The following JAKMIP1 variants were observed in gnomAD, a reference collection of about 807,000 sequenced individuals.
The protein encoded by JAKMIP1 is janus kinase and microtubule-interacting protein 1.
A neutral mutation model predicts 113.0 loss-of-function variants in JAKMIP1; 33 were observed. That is an observed-to-expected ratio of 0.29 (90% CI 0.22 to 0.39). JAKMIP1 has a LOEUF of 0.39. Ranked by LOEUF, JAKMIP1 falls within the 10% of genes least tolerant of loss-of-function variation. The probability of loss-of-function intolerance (pLI) is 1.00; values close to 1 mark genes in which losing one functional copy is unlikely to be tolerated. For synonymous variants in JAKMIP1, 480 were observed against 459.9 expected (o/e 1.04, Z -0.56); for missense variants, 813 against 1,080.5 (o/e 0.75, Z 3.47).
Position 6,194,081 on chromosome 4 carries a change from T to C in JAKMIP1, c.-148+6172A>G, listed in dbSNP as rs1727582032. Among the ~76,000 whole-genome samples, 1 of 151,910 alleles carries C rather than the reference T, an allele frequency of 6.6e-6. No individual in the cohort carries two copies. Among genetic ancestry groups the C allele is most frequent in the African/African-American group, 2.4e-5 (1 of 41,352 alleles). ...GATCTGGTTCTACATCTGTGAAATA[T>C]CCAGAACAGGCAAATCCAAGGAGAC... is the stretch of plus-strand genomic sequence containing the variant. On this transcript the variant is annotated intron_variant, in intron 1 of 20. Transcript: ENST00000409021. This position sits in a 1 kb window ranked among gnomAD's most constrained non-coding sequence, Gnocchi z 7.4.
chr4:6,107,667 G>A (rs976053843), intron 2 of JAKMIP1, among the ~76,000 whole-genome samples: 1 of 152,132 alleles, frequency 6.6e-6, no homozygotes, highest in East Asian at 1.9e-4. Flanking sequence ...CCAGCCTGCT[G>A]GTCTGCCCTA....
At chr4:6,028,940 T>C (rs965059133) in intron 20 of JAKMIP1, among the ~76,000 whole-genome samples, 2 of 152,236 alleles carry the variant, frequency 1.3e-5, no homozygotes, top group African/African-American at 2.4e-5. Context: ...AAGAACTGTC[T>C]TGAATGAAGA....
chr4:6,185,789 C>G lies in JAKMIP1; in HGVS notation c.-148+14464G>C, dbSNP rs1235617114. Among the ~76,000 whole-genome samples the G allele has an allele frequency of 2.0e-5, 3 of 152,226 alleles. No homozygotes were observed. The highest frequency in any genetic ancestry group is 7.2e-5 in the African/African-American group (3 of 41,462). On this transcript the variant is annotated intron_variant, in intron 1 of 20. Transcript: ENST00000409021. The surrounding 1 kb of genome is among the most constrained non-coding windows in gnomAD (Gnocchi z 5.3). Reference sequence around the variant, plus strand: ...TCATTTTGAGAACCACTTCTCAGATCTGTTCACTACAAACCCTCCTGATTA... The same window carrying G: ...TCATTTTGAGAACCACTTCTCAGATGTGTTCACTACAAACCCTCCTGATTA...
At chr4:6,034,593 G>A (rs1401557996) in intron 19 of JAKMIP1, among the ~76,000 whole-genome samples, 1 of 152,176 alleles carries the variant, frequency 6.6e-6, no homozygotes, top group African/African-American at 2.4e-5. Flanking sequence ...CTTGAGGTCA[G>A]GAGTTTGAGA....
rs981187622 is a variant in JAKMIP1, at chr4:6,179,480, C to T, written c.-148+20773G>A. Among the ~76,000 whole-genome samples the T allele has an allele frequency of 4.6e-5, 7 of 152,206 alleles. No individual in the cohort carries two copies. The highest frequency in any genetic ancestry group is 1.7e-4 in the African/African-American group (7 of 41,442). Reference sequence around the variant, plus strand: ...CCACCTCCTTCCTCTACCTTCCTGACACCCCCTACAGGCACCGTCAAGGGA... The same window carrying T: ...CCACCTCCTTCCTCTACCTTCCTGATACCCCCTACAGGCACCGTCAAGGGA... On this transcript the variant is annotated intron_variant, in intron 1 of 20. Coordinates refer to ENST00000409021, the MANE Select transcript of JAKMIP1 (RefSeq NM_001099433.2). This position sits in a 1 kb window ranked among gnomAD's most constrained non-coding sequence, Gnocchi z 4.5.
At chr4:6,104,447 T>G (rs1377915594) in intron 3 of JAKMIP1, among the ~76,000 whole-genome samples, 1 of 152,280 alleles carries the variant, frequency 6.6e-6, no homozygotes, top group African/African-American at 2.4e-5. Flanking sequence ...TTAGTATTAC[T>G]TCTTGCCTTA....
chr4:6,082,314 T>C (rs1720688185), intron 5 of JAKMIP1, among the ~76,000 whole-genome samples: 1 of 151,930 alleles, frequency 6.6e-6, no homozygotes, highest in Non-Finnish European at 1.5e-5. Flanking sequence ...TCTGATGGTA[T>C]AGGTTGAAAT....
chr4:6,118,635 C>A (rs1472871847), intron 1 of JAKMIP1, among the ~76,000 whole-genome samples: 2 of 152,072 alleles, frequency 1.3e-5, no homozygotes, highest in Non-Finnish European at 2.9e-5. Flanking sequence ...CCTTCTTAGG[C>A]CTCCTGCAAA....
intron 1 of JAKMIP1, among the ~76,000 whole-genome samples, chr4:6,149,621 G>T (rs982651779): frequency 2.6e-5 from 4 of 152,196 alleles, no homozygotes; most frequent in South Asian, 2.1e-4. Context: ...AGGGCAAAAA[G>T]TTCCTAATTT....
intron 16 of JAKMIP1, among the ~76,000 whole-genome samples, chr4:6,045,403 C>A (rs2108761270): frequency 1.3e-5 from 2 of 152,322 alleles, no homozygotes; most frequent in Middle Eastern, 6.8e-3. Flanking sequence ...ACGTGGCTAA[C>A]CAGAGTGGGG....
In JAKMIP1 at chr4:6,080,066, A is replaced by G. The variant is rs1336182472; in HGVS notation, c.1242+106T>C. 1.5e-6 allele frequency: 2 copies of G among 1,337,162 alleles called. No homozygotes were observed. The highest frequency in any genetic ancestry group is 2.0e-6 in the Non-Finnish European group (2 of 990,320). The allele number at this position is 1,337,162 out of a possible 1,614,324, so 82.8% of individuals were successfully genotyped here. On this transcript the variant is annotated intron_variant, in intron 7 of 20. Coordinates refer to ENST00000409021, the MANE Select transcript of JAKMIP1 (RefSeq NM_001099433.2). The surrounding 1 kb of genome is among the most constrained non-coding windows in gnomAD (Gnocchi z 6.0). ...CCAAAGTCAGCACTGCCTGACCCTG[A>G]CCCAGCTCAGCAGCATCACCCTGAG...
At chr4:6,161,027 C>CCCAACCTCCA (rs1667301504) in intron 1 of JAKMIP1, among the ~76,000 whole-genome samples, 1 of 150,152 alleles carries the variant, frequency 6.7e-6, no homozygotes, top group Admixed American at 6.6e-5. Context: ...CACTCACCTC[C>CCCAACCTCCA]CTGACCTCCA....
chr4:6,085,261 C>T (rs763960813), intron 4 of JAKMIP1, among the ~76,000 whole-genome samples, 159 bp downstream of exon 4: 12 of 152,126 alleles, frequency 7.9e-5, no homozygotes, highest in Non-Finnish European at 1.2e-4. Context: ...CCTCACACAG[C>T]GTCCAGCACA....
At chr4:6,075,651 C>A (rs1719599382) in intron 8 of JAKMIP1, among the ~76,000 whole-genome samples, 1 of 152,244 alleles carries the variant, frequency 6.6e-6, no homozygotes, top group Non-Finnish European at 1.5e-5. Context: ...CGTTCTTCTG[C>A]AACAATCCAG....
At chr4:6,128,545 A>G (rs569026535) in intron 1 of JAKMIP1, among the ~76,000 whole-genome samples, 31 of 145,958 alleles carry the variant, frequency 2.1e-4, no homozygotes, top group Non-Finnish European at 3.4e-4. Context: ...GCTGGTCTTC[A>G]ATGTGCTTCT....
At chr4:6,148,806 C>A (rs899591281) in intron 1 of JAKMIP1, among the ~76,000 whole-genome samples, 6 of 152,276 alleles carry the variant, frequency 3.9e-5, no homozygotes, top group African/African-American at 1.4e-4. Context: ...ATGACCACAG[C>A]ATCCTCAGGC....
In JAKMIP1 at chr4:6,035,113, TTC is replaced by T. The variant is rs144090101; in HGVS notation, c.2379+789_2379+790del. Among the ~76,000 whole-genome samples the T allele has an allele frequency of 4.6e-5, 7 of 150,972 alleles. No homozygotes were observed. In the East Asian group the frequency reaches 5.8e-4, roughly 13 times the overall value. On this transcript the variant is annotated intron_variant, in intron 19 of 20. Transcript: ENST00000409021. ...AGTTCCTTAAAGTAAGTCAACCTCT[TTC>T]TCTCTCTCTCTCTCTTTCTCTTTCT... is the stretch of plus-strand genomic sequence containing the variant.
chr4:6,138,921 C>G lies in JAKMIP1; in HGVS notation c.-147-25924G>C, dbSNP rs1719661970. Among the ~76,000 whole-genome samples, 1 of 152,196 alleles carries G rather than the reference C, an allele frequency of 6.6e-6. No homozygotes were observed. The highest frequency in any genetic ancestry group is 6.5e-5 in the Admixed American group (1 of 15,286). ...TTGGGCGCTAAGCAACTACTGCTTA[C>G]TGCCTTGATTCCTGGGCTTACTGAA... On this transcript the variant is annotated intron_variant, in intron 1 of 20. Transcript: ENST00000409021. This position sits in a 1 kb window ranked among gnomAD's most constrained non-coding sequence, Gnocchi z 6.0.
intron 7 of JAKMIP1, among the ~76,000 whole-genome samples, chr4:6,079,611 C>G (rs1397557061): frequency 6.6e-6 from 1 of 152,204 alleles, no homozygotes; most frequent in Non-Finnish European, 1.5e-5. Flanking sequence ...AAGTTCCTTT[C>G]ACAGAGAGCT....
Sources: allele counts gnomAD v4.1 joint callset (sites outside exome capture counted in the v4.1 genomes callset), GRCh38; gene constraint gnomAD v4.1.1; non-coding constraint Gnocchi (gnomAD v3.1); transcripts MANE v1.5; gene names NCBI Gene and HGNC (gene_info 2026-07-23, HGNC 2026-07-21).